MTM1: variants seen among roughly 807,000 people sequenced by gnomAD.
MTM1 encodes myotubularin 1.
In MTM1, 9 loss-of-function variants were observed where a neutral mutation model predicts 52.1. That is an observed-to-expected ratio of 0.17 (90% CI 0.10 to 0.30). The LOEUF (loss-of-function observed/expected upper bound fraction) is 0.30, where lower values mean the gene tolerates loss of function less well. Among genes scored for constraint, MTM1 ranks in the 10% least tolerant of loss-of-function variants. The probability of loss-of-function intolerance (pLI) is 1.00; values close to 1 mark genes in which losing one functional copy is unlikely to be tolerated. For missense variants in MTM1, 277 were observed against 470.7 expected, an observed-to-expected ratio of 0.59 and a Z score of 3.81; for synonymous variants, 136 against 163.8, an observed-to-expected ratio of 0.83 and a Z score of 1.29.
At chrX:150,596,751 C>A in intron 3 of MTM1, 181 bp downstream of exon 3, 1 of 423,803 alleles carries the variant, frequency 2.4e-6, no homozygotes, top group Non-Finnish European at 4.2e-6. Context: ...TTGAGAGCTT[C>A]ATGCTCACAA....
chrX:150,662,567 G>A lies in MTM1; in HGVS notation c.1468-866G>A, dbSNP rs188595292. ...TCAAACTCCTGACCTCAGGTGATCC[G>A]CCTGCCTCAGCCTCCCAAAGTGCTG... is the stretch of plus-strand genomic sequence containing the variant. On this transcript the variant is annotated intron_variant, in intron 13 of 14. Transcript: ENST00000370396. 4.1e-3 allele frequency among the ~76,000 whole-genome samples: 459 copies of A among 111,093 alleles called. 4 individuals carry two copies. Among genetic ancestry groups the A allele is most frequent in the Middle Eastern group, 0.014 (3 of 214 alleles).
intron 1 of MTM1, among the ~76,000 whole-genome samples, chrX:150,569,374 C>T (rs893856663): frequency 8.8e-6 from 1 of 113,109 alleles, no homozygotes; most frequent in Non-Finnish European, 1.9e-5. Flanking sequence ...TTTGCCTAAG[C>T]AAGTAAGAAG....
intron 13 of MTM1, among the ~76,000 whole-genome samples, chrX:150,662,535 G>A (rs782799308): frequency 2.5e-4 from 28 of 110,698 alleles, no homozygotes; most frequent in African/African-American, 9.2e-4. Flanking sequence ...TGTTGGCCAG[G>A]CTGGTCTCAA....
chrX:150,620,767 G>A (rs782769657), intron 6 of MTM1, among the ~76,000 whole-genome samples: 2 of 111,186 alleles, frequency 1.8e-5, no homozygotes, highest in African/African-American at 3.3e-5. Context: ...CCCTGATATT[G>A]TCCTTGAGTG....
intron 4 of MTM1, among the ~76,000 whole-genome samples, chrX:150,603,512 GA>G (rs781785463): frequency 1.8e-5 from 2 of 111,844 alleles, no homozygotes; most frequent in African/African-American, 3.3e-5. Flanking sequence ...AGTGGAGATA[GA>G]AAAGAGGGGA....
intron 7 of MTM1, 101 bp downstream of exon 7, chrX:150,639,127 G>T (rs1333659482): frequency 5.9e-6 from 4 of 673,615 alleles, no homozygotes; most frequent in African/African-American, 2.1e-5. Flanking sequence ...CGACATCCTT[G>T]CTAAATATCT....
rs782359133 is a variant in MTM1 at position 150,614,739 on chromosome X, C to T, written c.342+40C>T. ...ACTTTCTTATGCAAAGAACAAGGCA[C>T]GTTAGTGTTGAATGATAGTAGACAA... On this transcript the variant is annotated intron_variant, in intron 5 of 14. Transcript: ENST00000370396. The T allele has an allele frequency of 8.2e-6, 6 of 732,084 alleles. No homozygotes were observed. The African/African-American group carries it at 8.5e-5, about 10-fold the overall frequency. The allele number at this position is 732,084 out of a possible 1,213,427, so 60.3% of individuals were successfully genotyped here. A position where few individuals can be genotyped will look rare whatever the true frequency, so the allele number is the denominator to read the frequency against.
intron 1 of MTM1, chrX:150,591,112 A>G (rs1477500805): frequency 1.6e-6 from 1 of 610,682 alleles, no homozygotes; most frequent in Non-Finnish European, 2.0e-6. Flanking sequence ...TTATTCATTA[A>G]TCTTTTTAAA....
chrX:150,603,972 T>A (rs2039110459), intron 4 of MTM1, among the ~76,000 whole-genome samples: 1 of 111,605 alleles, frequency 9.0e-6, no homozygotes, highest in African/African-American at 3.3e-5. Context: ...TGGAAGTCAG[T>A]AGGAGAGAGA....
intron 1 of MTM1, among the ~76,000 whole-genome samples, chrX:150,585,532 T>G (rs2038771096): frequency 8.9e-6 from 1 of 112,856 alleles, no homozygotes; most frequent in African/African-American, 3.2e-5. Flanking sequence ...AGTTACTGTT[T>G]ACTTATAAAT....
Position 150,596,516 on chromosome X carries a change from A to C in MTM1, c.82A>C (p.Asn28His). ...SIKRTSRDGV[N>H]RDLTEAVPRL... ...TTTCTAGACGTCTCGAGATGGAGTC[A>C]ATCGAGATCTCACTGAGGCTGTTCC... The change falls in exon 3 of 15, where the codon AAT becomes CAT. Residue 28 changes from asparagine (N) to histidine (H), a missense_variant. By Grantham distance (68) the Asn-to-His change is moderately conservative. This residue lies in a region of MTM1 where 164 missense variants were observed against 283.3 expected (regional missense o/e 0.58). Transcript: ENST00000370396. The C allele has an allele frequency of 8.3e-7, 1 of 1,208,782 alleles. No homozygotes were observed. Among genetic ancestry groups the C allele is most frequent in the Non-Finnish European group, 1.1e-6 (1 of 893,504 alleles).
intron 1 of MTM1, 121 bp from the exon 2 acceptor site, chrX:150,592,484 G>A: frequency 1.8e-6 from 1 of 550,691 alleles, no homozygotes; most frequent in East Asian, 3.4e-5. Flanking sequence ...GCCTAGTATG[G>A]AAATAGAACC....
intron 4 of MTM1, among the ~76,000 whole-genome samples, chrX:150,613,097 T>C (rs2148453831): frequency 9.6e-6 from 1 of 104,480 alleles, no homozygotes; most frequent in Admixed American, 1.0e-4. Flanking sequence ...AGTGAGCCAC[T>C]GTACTCCAGC....
rs1372513724 is a variant in MTM1, at chrX:150,598,702, G to T, written c.231+16G>T. On this transcript the variant is annotated intron_variant, in intron 4 of 14. Coordinates refer to ENST00000370396, the MANE Select transcript of MTM1 (RefSeq NM_000252.3). ...TTTGGAAACGGTAAGTAGAATATAA[G>T]ACCATAAAGATGACCCTAACTGTTA... is the stretch of plus-strand genomic sequence containing the variant. 2.9e-6 allele frequency: 3 copies of T among 1,025,698 alleles called. No homozygotes were observed. The highest frequency in any genetic ancestry group is 4.1e-6 in the Non-Finnish European group (3 of 729,877). The allele number at this position is 1,025,698 out of a possible 1,213,427, so 84.5% of individuals were successfully genotyped here.
chrX:150,567,218 C>T (rs2038273834), upstream of MTM1, among the ~76,000 whole-genome samples: 1 of 111,568 alleles, frequency 9.0e-6, no homozygotes, highest in African/African-American at 3.3e-5. Flanking sequence ...AAAAGAGGCA[C>T]ACTGGGAGAA....
At chrX:150,612,702 G>A (rs782285766) in intron 4 of MTM1, among the ~76,000 whole-genome samples, 6 of 111,540 alleles carry the variant, frequency 5.4e-5, no homozygotes, top group Non-Finnish European at 9.4e-5. Context: ...TAAAAAATTT[G>A]GCTGGGCATG....
At chrX:150,587,965 T>C (rs781936771) in intron 1 of MTM1, among the ~76,000 whole-genome samples, 2 of 112,031 alleles carry the variant, frequency 1.8e-5, no homozygotes, top group African/African-American at 3.2e-5. Flanking sequence ...TCCATGGTTT[T>C]CATTTCAGCC....
chrX:150,575,315 T>C (rs1028561034), intron 1 of MTM1, among the ~76,000 whole-genome samples: 1 of 112,613 alleles, frequency 8.9e-6, no homozygotes, highest in African/African-American at 3.2e-5. Context: ...ACATACTTGC[T>C]GCCCTGGGCA....
At chrX:150,598,542 A>G (rs2039016753) in intron 3 of MTM1, 50 bp from the exon 4 acceptor site, 4 of 735,139 alleles carry the variant, frequency 5.4e-6, no homozygotes, top group Non-Finnish European at 2.1e-6. Context: ...TTTGTTGTGT[A>G]TCTTGGTATC....
Sources: allele counts gnomAD v4.1 joint callset (sites outside exome capture counted in the v4.1 genomes callset), GRCh38; gene constraint gnomAD v4.1.1; regional missense constraint gnomAD v4.1.1; transcripts MANE v1.5; gene names NCBI Gene and HGNC (gene_info 2026-07-23, HGNC 2026-07-21).